RARS2: variants seen among roughly 807,000 people sequenced by gnomAD.
RARS2 encodes probable arginine--tRNA ligase, mitochondrial.
A neutral mutation model predicts 88.5 loss-of-function variants in RARS2; 67 were observed. That is an observed-to-expected ratio of 0.76 (90% CI 0.62 to 0.93). The LOEUF (loss-of-function observed/expected upper bound fraction) is 0.93, where lower values mean the gene tolerates loss of function less well. Ranked by LOEUF, RARS2 falls within the 40% of genes least tolerant of loss-of-function variation. The pLI, the probability that RARS2 is intolerant of heterozygous loss-of-function variation, is 0.00. For synonymous variants in RARS2, 239 were observed against 230.3 expected, an observed-to-expected ratio of 1.04 and a Z score of -0.34; for missense variants, 664 against 684.2, an observed-to-expected ratio of 0.97 and a Z score of 0.33.
At chr6:87,523,550 C>T (rs755959643) in intron 11 of RARS2, among the ~76,000 whole-genome samples, 2 of 152,152 alleles carry the variant, frequency 1.3e-5, no homozygotes, top group Non-Finnish European at 2.9e-5. Context: ...AAGGTAAATA[C>T]ACAGAAAAGT....
chr6:87,555,348 A>T, intron 5 of RARS2, 60 bp downstream of exon 5: 1 of 1,303,258 alleles, frequency 7.7e-7, no homozygotes, highest in Non-Finnish European at 1.1e-6. Flanking sequence ...AATGATGGTA[A>T]TAACACTCCT....
At chr6:87,581,719 A>G (rs987513695) in intron 1 of RARS2, among the ~76,000 whole-genome samples, 2 of 152,162 alleles carry the variant, frequency 1.3e-5, no homozygotes, top group African/African-American at 4.8e-5. Context: ...AAGCACCACA[A>G]GCATTAGCTA....
chr6:87,535,676 GTTT>G (rs10710147), intron 8 of RARS2, among the ~76,000 whole-genome samples: 246 of 111,378 alleles, frequency 2.2e-3, no homozygotes, highest in African/African-American at 8.7e-3. Flanking sequence ...TAACTGTTTT[GTTT>G]TTTTTTTTTT....
At chr6:87,586,777 C>A (rs760103291) in intron 1 of RARS2, among the ~76,000 whole-genome samples, 26 of 152,088 alleles carry the variant, frequency 1.7e-4, no homozygotes, top group Non-Finnish European at 3.5e-4. Flanking sequence ...GGCTGGGTAT[C>A]CTTGGGACCA....
intron 14 of RARS2, chr6:87,519,208 G>GTGTGTGTGTGTATA (rs1210109506): frequency 2.3e-5 from 6 of 257,656 alleles, no homozygotes; most frequent in African/African-American, 1.4e-4. Flanking sequence ...GTGTGTGTGT[G>GTGTGTGTGTGTATA]TATATATATA....
At chr6:87,516,272 T>TC (rs1771701643) in intron 18 of RARS2, among the ~76,000 whole-genome samples, 1 of 152,236 alleles carries the variant, frequency 6.6e-6, no homozygotes, top group Non-Finnish European at 1.5e-5. Flanking sequence ...AGCTTATTTT[T>TC]CTGTGCCTCT....
intron 4 of RARS2, among the ~76,000 whole-genome samples, chr6:87,558,647 G>A (rs534746205): frequency 2.0e-5 from 3 of 152,262 alleles, no homozygotes; most frequent in African/African-American, 7.2e-5. Flanking sequence ...AGGTCATAAT[G>A]CCTAGTGCAA....
At chr6:87,560,654 T>C (rs968326783) in intron 4 of RARS2, among the ~76,000 whole-genome samples, 2 of 152,156 alleles carry the variant, frequency 1.3e-5, no homozygotes, top group East Asian at 3.8e-4. Flanking sequence ...ATGCCAGCAC[T>C]TTGGGAGGGT....
intron 7 of RARS2, among the ~76,000 whole-genome samples, chr6:87,542,394 T>TA (rs1184066139): frequency 1.3e-5 from 2 of 152,150 alleles, no homozygotes; most frequent in Non-Finnish European, 2.9e-5. Context: ...CAAAATTTAT[T>TA]AAAAAAACTG....
rs544279649 is a variant in RARS2, at chr6:87,562,136, T to G, written c.297+566A>C. On this transcript the variant is annotated intron_variant, in intron 4 of 19. Coordinates refer to ENST00000369536, the MANE Select transcript of RARS2 (RefSeq NM_020320.5). ...CAAACTATCATGTGTGGCTAATTTT[T>G]AAATTTTTTTGTAGAGATATGCTGC... 1.8e-3 allele frequency among the ~76,000 whole-genome samples: 277 copies of G among 152,276 alleles called. 1 individual carries two copies. Among genetic ancestry groups the G allele is most frequent in the Admixed American group, 3.7e-3 (56 of 15,292 alleles).
In RARS2 at chr6:87,557,069, C is replaced by CATAA. The variant is rs375961077; in HGVS notation, c.298-1568_298-1565dup. The stretch of plus-strand genomic sequence containing the variant: ...GCAGAGAAGGGAGCAGCAGCCAGTA[C>CATAA]ATAACAATCGACATTTAAGAAGCAT... On this transcript the variant is annotated intron_variant, in intron 4 of 19. Coordinates refer to ENST00000369536, the MANE Select transcript of RARS2 (RefSeq NM_020320.5). Among the ~76,000 whole-genome samples the CATAA allele has an allele frequency of 5.7e-4, 87 of 152,204 alleles. 1 individual carries two copies. The highest frequency in any genetic ancestry group is 1.1e-3 in the Non-Finnish European group (72 of 68,004).
chr6:87,544,631 C>T (rs547325443), intron 7 of RARS2, among the ~76,000 whole-genome samples: 4 of 152,252 alleles, frequency 2.6e-5, no homozygotes, highest in Admixed American at 6.5e-5. Flanking sequence ...GTTTGTATTT[C>T]ACAATCTACC....
At position 87,589,984 on chromosome 6, in the gene RARS2, G is replaced by C; in HGVS notation, c.-27C>G. The C allele has an allele frequency of 6.2e-7, 1 of 1,614,158 alleles. No individual in the cohort carries two copies. The stretch of plus-strand genomic sequence containing the variant: ...TCCACCTCTACGGAAGTGCGCCGCA[G>C]TCCGCCAGTTCCGGCCTCGCCCCAC... On this transcript the variant is annotated 5_prime_UTR_variant, in exon 1 of 20. Coordinates refer to ENST00000369536, the MANE Select transcript of RARS2 (RefSeq NM_020320.5).
intron 1 of RARS2, among the ~76,000 whole-genome samples, chr6:87,582,212 C>T (rs1379471209): frequency 6.6e-6 from 1 of 152,194 alleles, no homozygotes; most frequent in African/African-American, 2.4e-5. Flanking sequence ...AACTAATTTA[C>T]ATTTCCACCA....
chr6:87,547,649 T>C (rs188265526), intron 6 of RARS2, among the ~76,000 whole-genome samples: 1 of 151,350 alleles, frequency 6.6e-6, no homozygotes, highest in Non-Finnish European at 1.5e-5. Flanking sequence ...TTTTTTCTTT[T>C]CTTTTTTTTT....
chr6:87,555,696 T>C (rs1013115062), intron 4 of RARS2, among the ~76,000 whole-genome samples, 191 bp from the exon 5 acceptor site: 2 of 152,110 alleles, frequency 1.3e-5, no homozygotes, highest in African/African-American at 4.8e-5. Flanking sequence ...GTAACATGAG[T>C]TAACATTTAC....
chr6:87,583,083 T>C (rs976609483), intron 1 of RARS2, among the ~76,000 whole-genome samples: 5 of 152,088 alleles, frequency 3.3e-5, no homozygotes, highest in Non-Finnish European at 7.4e-5. Flanking sequence ...TCTTAGGAAA[T>C]AAACAATTAC....
At chr6:87,555,315 GTTAT>G in intron 5 of RARS2, 89 bp downstream of exon 5, 2 of 943,182 alleles carry the variant, frequency 2.1e-6, no homozygotes, top group Middle Eastern at 2.1e-4. Flanking sequence ...TTTTCCACAT[GTTAT>G]TTATTAAGAC....
intron 1 of RARS2, among the ~76,000 whole-genome samples, chr6:87,578,668 A>T (rs1383051896): frequency 4.6e-5 from 7 of 152,138 alleles, no homozygotes; most frequent in Admixed American, 3.9e-4. Context: ...CATAATAATG[A>T]CTAATATTGG....
Sources: allele counts gnomAD v4.1 joint callset (sites outside exome capture counted in the v4.1 genomes callset), GRCh38; gene constraint gnomAD v4.1.1; transcripts MANE v1.5; gene names NCBI Gene and HGNC (gene_info 2026-07-23, HGNC 2026-07-21).